UGT1A6: variants seen among roughly 807,000 people sequenced by gnomAD.
UGT1A6 encodes UDP glucuronosyltransferase family 1 member A6, also known as UDP-glucuronosyltransferase 1A6.
A neutral mutation model predicts 44.4 loss-of-function variants in UGT1A6; 32 were observed. The ratio of observed to expected loss-of-function variants is 0.72; its 90% CI spans 0.54 to 0.97. UGT1A6 has a LOEUF of 0.97. Among genes scored for constraint, UGT1A6 ranks in the 50% least tolerant of loss-of-function variants. UGT1A6 has a pLI of 0.00. For missense variants in UGT1A6, 685 were observed against 661.9 expected (o/e 1.03, Z -0.38); for synonymous variants, 238 against 248.5 (o/e 0.96, Z 0.40).
intron 1 of UGT1A6, chr2:233,713,028 G>A (rs1164174226): frequency 1.9e-6 from 3 of 1,613,750 alleles, no homozygotes; most frequent in African/African-American, 1.3e-5. Flanking sequence ...GCCGCAGCTG[G>A]CCACAGGACT....
intron 3 of UGT1A6, 48 bp from the exon 4 acceptor site, chr2:233,768,172 G>C: frequency 6.2e-6 from 10 of 1,613,786 alleles, no homozygotes; most frequent in South Asian, 1.1e-5. Context: ...GTCCAGCTGT[G>C]AAACTCAGAG....
chr2:233,732,491 G>C (rs2078277283), intron 1 of UGT1A6, among the ~76,000 whole-genome samples: 1 of 152,184 alleles, frequency 6.6e-6, no homozygotes, highest in African/African-American at 2.4e-5. Flanking sequence ...TTTGTATAAG[G>C]CGTAAGGAAG....
chr2:233,733,677 AC>A, intron 1 of UGT1A6, among the ~76,000 whole-genome samples: 1 of 152,244 alleles, frequency 6.6e-6, no homozygotes, highest in South Asian at 2.1e-4. Context: ...ATGTGGATAA[AC>A]TTTTTGATGT....
chr2:233,730,126 G>A, intron 1 of UGT1A6: 1 of 1,542,516 alleles, frequency 6.5e-7, no homozygotes, highest in Non-Finnish European at 8.7e-7. Flanking sequence ...TGTCATAATA[G>A]CCTTCAGTGA....
intron 1 of UGT1A6, chr2:233,743,791 C>G: frequency 7.3e-7 from 1 of 1,367,342 alleles, no homozygotes; most frequent in Non-Finnish European, 9.8e-7. Flanking sequence ...ATCTCCTCTC[C>G]GCTTCCTCCT....
intron 1 of UGT1A6, among the ~76,000 whole-genome samples, chr2:233,759,710 G>C (rs746376626): frequency 6.6e-6 from 1 of 151,530 alleles, no homozygotes; most frequent in African/African-American, 2.4e-5. Context: ...GCGCGTGCTC[G>C]TGTGGTGGGC....
In UGT1A6 at chr2:233,695,130, C is replaced by CTTTCTTTCTTTTT. The variant is rs1364557158; in HGVS notation, c.861+1268_861+1269insCTTTCTTTTTTTT. Among the ~76,000 whole-genome samples the CTTTCTTTCTTTTT allele has an allele frequency of 8.6e-5, 12 of 138,840 alleles. 1 individual carries two copies. Among genetic ancestry groups the CTTTCTTTCTTTTT allele is most frequent in the African/African-American group, 3.3e-4 (12 of 36,796 alleles). The allele number at this position is 138,840 out of a possible 152,430, so 91.1% of individuals were successfully genotyped here. A position where few individuals can be genotyped will look rare whatever the true frequency, so the allele number is the denominator to read the frequency against. On this transcript the variant is annotated intron_variant, in intron 1 of 4. Coordinates refer to ENST00000305139, the MANE Select transcript of UGT1A6 (RefSeq NM_001072.4). ...GCCCATTAACCAACCCTTTTCTTTT[C>CTTTCTTTCTTTTT]TTTTTTTTTTTTTTGAGACAGAGTC...
chr2:233,714,057 A>C (rs2076363113), intron 1 of UGT1A6, among the ~76,000 whole-genome samples: 1 of 152,148 alleles, frequency 6.6e-6, no homozygotes, highest in African/African-American at 2.4e-5. Context: ...GGCCACTGAG[A>C]GGAAGGAGAG....
chr2:233,730,094 A>T, intron 1 of UGT1A6: 1 of 1,593,062 alleles, frequency 6.3e-7, no homozygotes, highest in Non-Finnish European at 8.5e-7. Context: ...ATCTTTCCAA[A>T]TATTTCATTT....
chr2:233,732,919 A>G (rs1421681108), intron 1 of UGT1A6, among the ~76,000 whole-genome samples: 1 of 151,874 alleles, frequency 6.6e-6, no homozygotes, highest in Non-Finnish European at 1.5e-5. Flanking sequence ...CATTTTCACG[A>G]TATTGATTCT....
intron 1 of UGT1A6, among the ~76,000 whole-genome samples, chr2:233,704,378 C>G (rs113589213): frequency 1.3e-5 from 2 of 151,338 alleles, no homozygotes; most frequent in South Asian, 4.2e-4. Context: ...CTTAGCACAT[C>G]GATTTTAACT....
chr2:233,743,976 C>T (rs2125858385), intron 1 of UGT1A6: 2 of 1,312,500 alleles, frequency 1.5e-6, no homozygotes, highest in African/African-American at 1.5e-5. Context: ...GCTGCCAGCA[C>T]CCAGGCGCAG....
intron 1 of UGT1A6, among the ~76,000 whole-genome samples, chr2:233,724,736 C>A (rs1232972283): frequency 7.0e-6 from 1 of 142,768 alleles, no homozygotes; most frequent in African/African-American, 2.6e-5. Flanking sequence ...GGCAGAGGGG[C>A]TCCTCACATC....
At chr2:233,712,429 G>A (rs1352438227) in intron 1 of UGT1A6, among the ~76,000 whole-genome samples, 1 of 152,122 alleles carries the variant, frequency 6.6e-6, no homozygotes, top group African/African-American at 2.4e-5. Flanking sequence ...GAAATATCCT[G>A]GTGTGAAAAA....
intron 1 of UGT1A6, chr2:233,755,353 G>T: frequency 2.6e-6 from 1 of 385,860 alleles, no homozygotes; most frequent in Non-Finnish European, 4.8e-6. Context: ...GAGGCTTGGC[G>T]ACCTGGGCCG....
chr2:233,747,087 G>A, intron 1 of UGT1A6: 5 of 1,192,212 alleles, frequency 4.2e-6, no homozygotes, highest in Non-Finnish European at 5.8e-6. Flanking sequence ...TAGGAGGAGA[G>A]CACTCTATCT....
At chr2:233,702,895 A>G (rs2075712942) in intron 1 of UGT1A6, among the ~76,000 whole-genome samples, 1 of 152,172 alleles carries the variant, frequency 6.6e-6, no homozygotes. Flanking sequence ...TCATATCCAT[A>G]AGAGATATTG....
At position 233,760,496 on chromosome 2, in the gene UGT1A6, A is replaced by G. The variant is rs766949747; in HGVS notation, c.862-6538A>G. ...CCTGACGCCTCGTTGTACATCAGAG[A>G]CGGAGCATTTTACACCTTGAAGACG... On this transcript the variant is annotated intron_variant, in intron 1 of 4. Transcript: ENST00000305139. 4 of 1,614,258 alleles carry G rather than the reference A, an allele frequency of 2.5e-6. No homozygotes were observed. The South Asian group carries it at 4.4e-5, about 18-fold the overall frequency.
intron 1 of UGT1A6, among the ~76,000 whole-genome samples, chr2:233,706,871 C>A (rs186503307): frequency 1.3e-5 from 2 of 152,324 alleles, no homozygotes; most frequent in East Asian, 3.9e-4. Flanking sequence ...CTAGACCTGG[C>A]ACTTCCCAGC....
Sources: allele counts gnomAD v4.1 joint callset (sites outside exome capture counted in the v4.1 genomes callset), GRCh38; gene constraint gnomAD v4.1.1; transcripts MANE v1.5; gene names NCBI Gene and HGNC (gene_info 2026-07-23, HGNC 2026-07-21).